The following TEX15 variants were observed in gnomAD, a reference collection of about 807,000 sequenced individuals.
TEX15 encodes the protein testis expressed 15, meiosis and synapsis associated, also known as testis-expressed protein 15.
In TEX15, 171 loss-of-function variants were observed where a neutral mutation model predicts 237.3. The observed-to-expected ratio is 0.72, with a 90% CI of 0.64 to 0.82. The LOEUF (loss-of-function observed/expected upper bound fraction) is 0.82. Ranked by LOEUF, TEX15 falls within the 40% of genes least tolerant of loss-of-function variation. The pLI is 0.00. For synonymous variants in TEX15, 1,338 were observed against 1,269.8 expected (o/e 1.05, Z -1.14); for missense variants, 3,750 against 3,646.5 (o/e 1.03, Z -0.73).
At chr8:30,895,297 C>CAAAAAA (rs34514049) in intron 2 of TEX15, among the ~76,000 whole-genome samples, 14 of 60,420 alleles carry the variant, frequency 2.3e-4, no homozygotes, top group Non-Finnish European at 3.6e-4. Flanking sequence ...GACTCCATCT[C>CAAAAAA]AAAAAAAAAA....
At chr8:30,873,600 T>C (rs980837674) in intron 4 of TEX15, among the ~76,000 whole-genome samples, 8 of 152,104 alleles carry the variant, frequency 5.3e-5, no homozygotes, top group African/African-American at 1.9e-4. Context: ...TTTTAGAATC[T>C]CTTACCTACA....
chr8:30,840,795 C>G (rs989633099), intron 8 of TEX15, among the ~76,000 whole-genome samples: 1 of 152,120 alleles, frequency 6.6e-6, no homozygotes, highest in Non-Finnish European at 1.5e-5. Context: ...TCAATGTGTA[C>G]AGAATGAAGG....
intron 1 of TEX15, among the ~76,000 whole-genome samples, chr8:30,910,406 C>T (rs1246726108): frequency 6.6e-6 from 1 of 152,010 alleles, no homozygotes; most frequent in Non-Finnish European, 1.5e-5. Flanking sequence ...TCCCACTGGC[C>T]AATAAGACTC....
At chr8:30,897,701 C>T (rs1443447847) in intron 2 of TEX15, among the ~76,000 whole-genome samples, 1 of 152,156 alleles carries the variant, frequency 6.6e-6, no homozygotes, top group Non-Finnish European at 1.5e-5. Flanking sequence ...CACTCTGACA[C>T]CCAGGCTGGA....
Position 30,832,316 on chromosome 8 carries a change from C to A in TEX15, c.*970G>T, listed in dbSNP as rs1167621595. On this transcript the variant is annotated 3_prime_UTR_variant, in exon 11 of 11. Transcript: ENST00000643185. ...CCAATTCTCTTGTCACATTTTAGGGCTAACCCTTGAGAAAGGTCTATCCAG... is the reference window on the plus strand; with the variant it reads ...CCAATTCTCTTGTCACATTTTAGGGATAACCCTTGAGAAAGGTCTATCCAG... 2 of 152,208 alleles carry A rather than the reference C, an allele frequency of 1.3e-5. No homozygotes were observed. Among genetic ancestry groups the A allele is most frequent in the African/African-American group, 4.8e-5 (2 of 41,452 alleles). 9.4% of individuals were successfully genotyped at this position (152,208 alleles called of 1,614,324 possible). A position where few individuals can be genotyped will look rare whatever the true frequency, so the allele number is the denominator to read the frequency against.
intron 7 of TEX15, among the ~76,000 whole-genome samples, chr8:30,850,962 C>A (rs1807770959): frequency 6.6e-6 from 1 of 151,820 alleles, no homozygotes; most frequent in Admixed American, 6.6e-5. Context: ...TTTAAACTGG[C>A]AAAAATTTGA....
In TEX15 at chr8:30,837,940, AAAGTGAGCCAGGT is replaced by A; in HGVS notation, c.8331_8343del (p.Pro2778TyrfsTer3). On this transcript the variant is annotated frameshift_variant, in exon 10 of 11. Coordinates refer to ENST00000643185, the MANE Select transcript of TEX15 (RefSeq NM_001350162.2). LOFTEE classifies it high-confidence loss of function. ...GTGTCTTTTGGGTTCTCTAAGGGTA[AAAGTGAGCCAGGT>A]AGTGATCTTTGCATTTCAACCTTTT... The A allele has an allele frequency of 6.2e-7, 1 of 1,614,180 alleles. No homozygotes were observed. The highest frequency in any genetic ancestry group is 8.5e-7 in the Non-Finnish European group (1 of 1,180,024).
At position 30,847,793 on chromosome 8, in the gene TEX15, G is replaced by T. The variant is rs1205744380; in HGVS notation, c.2374C>A (p.His792Asn). Residue 792 changes from histidine (H) to asparagine (N), a missense_variant, in exon 8 of 11, where the codon CAT (histidine) becomes AAT (asparagine). By Grantham distance (68) the His-to-Asn change is moderately conservative. Coordinates refer to ENST00000643185, the MANE Select transcript of TEX15 (RefSeq NM_001350162.2). Reference protein sequence around the residue: ...VISSYNIETAHDSSNCSITRE... With the variant: ...VISSYNIETANDSSNCSITRE... The stretch of plus-strand genomic sequence containing the variant: ...GTTATGCTGCAATTTGAACTGTCAT[G>T]AGCTGTTTCTATGTTATAAGATGAA... The T allele has an allele frequency of 6.2e-7, 1 of 1,613,714 alleles. No homozygotes were observed. Among genetic ancestry groups the T allele is most frequent in the Non-Finnish European group, 8.5e-7 (1 of 1,179,934 alleles).
intron 3 of TEX15, among the ~76,000 whole-genome samples, chr8:30,884,335 A>G (rs796225980): frequency 5.9e-5 from 9 of 152,310 alleles, no homozygotes; most frequent in African/African-American, 2.2e-4. Flanking sequence ...GTATTAAAAT[A>G]ATGCTCCTCT....
rs76147771 is a variant in TEX15, at chr8:30,845,222, C to A, written c.4945G>T (p.Val1649Leu). 6.2e-7 allele frequency: 1 copy of A among 1,613,442 alleles called. No individual in the cohort carries two copies. Among genetic ancestry groups the A allele is most frequent in the Non-Finnish European group, 8.5e-7 (1 of 1,179,470 alleles). Residue 1649 changes from valine (V) to leucine (L), a missense_variant, in exon 8 of 11, where the codon GTA becomes TTA. By Grantham distance (32) the Val-to-Leu change is conservative. Transcript: ENST00000643185. ...TTTGAATCTAAGACTGATATAAGTACGTCAGTTTTCGCCTTTGTGTGACCT... is the reference window on the plus strand; with the variant it reads ...TTTGAATCTAAGACTGATATAAGTAAGTCAGTTTTCGCCTTTGTGTGACCT... ...CIGHTKAKTD[V>L]LISVLDSNVK... is the part of the protein sequence containing the mutation.
At chr8:30,912,307 C>G (rs1193162036) in intron 1 of TEX15, among the ~76,000 whole-genome samples, 1 of 152,114 alleles carries the variant, frequency 6.6e-6, no homozygotes, top group East Asian at 1.9e-4. Flanking sequence ...ACAGGAGTCC[C>G]GAGTTGCGGT....
At chr8:30,874,282 A>C (rs571914509) in intron 4 of TEX15, among the ~76,000 whole-genome samples, 2 of 152,214 alleles carry the variant, frequency 1.3e-5, no homozygotes, top group African/African-American at 4.8e-5. Context: ...GTTTTAAGTT[A>C]AACAGTGAGA....
chr8:30,845,010 C>A lies in TEX15; in HGVS notation c.5157G>T (p.Gln1719His). The A allele has an allele frequency of 6.2e-7, 1 of 1,613,550 alleles. No homozygotes were observed. The highest frequency in any genetic ancestry group is 8.5e-7 in the Non-Finnish European group (1 of 1,179,542). ...TATCTGTCACTGCAGCGGCTGATAA[C>A]TGAGGAATACTGTACTTTTTACTTG... is the stretch of plus-strand genomic sequence containing the variant. ...LIASKKYSIPQLSAAAVTDSE... is the reference protein window; with the variant it reads ...LIASKKYSIPHLSAAAVTDSE... Residue 1719 changes from glutamine to histidine, a missense_variant, in exon 8 of 11, where the codon CAG (glutamine) becomes CAT (histidine). By Grantham distance (24) the Gln-to-His change is conservative. Coordinates refer to ENST00000643185, the MANE Select transcript of TEX15 (RefSeq NM_001350162.2).
intron 5 of TEX15, among the ~76,000 whole-genome samples, chr8:30,866,369 A>AGGAAGG (rs142387939): frequency 1.4e-4 from 20 of 147,746 alleles, no homozygotes; most frequent in South Asian, 2.2e-4. Flanking sequence ...AAAGGGGAAG[A>AGGAAGG]GGAAGGGGAA....
chr8:30,893,328 A>C (rs1413443189), intron 2 of TEX15, among the ~76,000 whole-genome samples: 1 of 152,218 alleles, frequency 6.6e-6, no homozygotes, highest in East Asian at 1.9e-4. Flanking sequence ...CCCTGAAACC[A>C]ATTTCTATAT....
At chr8:30,906,165 CAAAT>C (rs1196198321) in intron 1 of TEX15, among the ~76,000 whole-genome samples, 4 of 152,274 alleles carry the variant, frequency 2.6e-5, no homozygotes, top group African/African-American at 4.8e-5. Flanking sequence ...TATGTTTAAT[CAAAT>C]AAAGAGGCAT....
chr8:30,834,900 T>G (rs1807257674), intron 10 of TEX15, among the ~76,000 whole-genome samples: 1 of 152,196 alleles, frequency 6.6e-6, no homozygotes, highest in Non-Finnish European at 1.5e-5. Context: ...TCTTGCCCAA[T>G]TCAGACCTAT....
rs762458625 is a variant in TEX15 at position 30,847,585 on chromosome 8, CTATCTGTT to C, written c.2574_2581del (p.Thr859ArgfsTer5). The C allele has an allele frequency of 6.2e-7, 1 of 1,610,084 alleles. No individual in the cohort carries two copies. The highest frequency in any genetic ancestry group is 8.5e-7 in the Non-Finnish European group (1 of 1,177,848). On this transcript the variant is annotated frameshift_variant, in exon 8 of 11. Transcript: ENST00000643185. LOFTEE classifies it high-confidence loss of function. ...CTCTTTAGCCTCATTTTGGTTTTCT[CTATCTGTT>C]TGTTTTTTGAAATTAACATTCAGCC...
At chr8:30,880,069 C>T (rs1808486140) in intron 3 of TEX15, among the ~76,000 whole-genome samples, 1 of 152,126 alleles carries the variant, frequency 6.6e-6, no homozygotes, top group African/African-American at 2.4e-5. Flanking sequence ...TGCTCTGTCA[C>T]CCAGGCTGGA....
Sources: allele counts gnomAD v4.1 joint callset (sites outside exome capture counted in the v4.1 genomes callset), GRCh38; gene constraint gnomAD v4.1.1; transcripts MANE v1.5; gene names NCBI Gene and HGNC (gene_info 2026-07-23, HGNC 2026-07-21).